The following ALDH9A1 variants were observed in gnomAD, a reference collection of about 807,000 sequenced individuals.
ALDH9A1 encodes the protein 4-trimethylaminobutyraldehyde dehydrogenase.
In ALDH9A1, 42 loss-of-function variants were observed where a neutral mutation model predicts 56.6. The observed-to-expected ratio is 0.74, with a 90% CI of 0.58 to 0.96. ALDH9A1 has a LOEUF of 0.96. Among genes scored for constraint, ALDH9A1 ranks in the 40% least tolerant of loss-of-function variants. ALDH9A1 has a pLI of 0.00. For synonymous variants in ALDH9A1, 242 were observed against 236.0 expected (o/e 1.03, Z -0.23); for missense variants, 661 against 651.5 (o/e 1.01, Z -0.16).
intron 8 of ALDH9A1, 81 bp from the exon 9 acceptor site, chr1:165,667,531 G>A (rs1322671399): frequency 1.2e-5 from 18 of 1,497,456 alleles, no homozygotes; most frequent in South Asian, 3.6e-5. Flanking sequence ...TTTGAAGATC[G>A]GGTCTCACTA....
chr1:165,693,739 C>G (rs1485145357), intron 2 of ALDH9A1, among the ~76,000 whole-genome samples: 3 of 152,210 alleles, frequency 2.0e-5, no homozygotes, highest in Non-Finnish European at 4.4e-5. Context: ...GATTATAAAT[C>G]ATGCTACTAT....
At chr1:165,692,447 G>C (rs1301701922) in intron 2 of ALDH9A1, among the ~76,000 whole-genome samples, 1 of 152,130 alleles carries the variant, frequency 6.6e-6, no homozygotes, top group East Asian at 1.9e-4. Context: ...CAAATCATGA[G>C]TGAACTCCCA....
At chr1:165,688,573 T>G (rs7519162) in intron 2 of ALDH9A1, among the ~76,000 whole-genome samples, 105,642 of 152,020 alleles carry the variant, frequency 0.69, 37,008 homozygotes, top group East Asian at 0.98. Flanking sequence ...CAAACAAAAA[T>G]TAGCCAGGTA....
intron 7 of ALDH9A1, 29 bp downstream of exon 7, chr1:165,669,233 A>G: frequency 6.4e-7 from 1 of 1,572,572 alleles, no homozygotes; most frequent in Non-Finnish European, 8.6e-7. Flanking sequence ...ATCTTCCCCA[A>G]CCCCACCCTA....
intron 8 of ALDH9A1, among the ~76,000 whole-genome samples, chr1:165,668,487 C>T (rs1044487593): frequency 2.0e-5 from 3 of 152,154 alleles, no homozygotes; most frequent in Non-Finnish European, 4.4e-5. Flanking sequence ...ATGATGGTGC[C>T]ATGCTTCCTG....
In ALDH9A1 at chr1:165,668,881, G is replaced by A. The variant is rs200410079; in HGVS notation, c.1207+45C>T. ...ATAAATATTCATCTCTATCTATTCAGTATTTAATTCAAATCATCTAAAAGC... is the reference window on the plus strand; with the variant it reads ...ATAAATATTCATCTCTATCTATTCAATATTTAATTCAAATCATCTAAAAGC... On this transcript the variant is annotated intron_variant, in intron 8 of 10. Coordinates refer to ENST00000354775, the MANE Select transcript of ALDH9A1 (RefSeq NM_000696.4). The A allele has an allele frequency of 3.3e-5, 44 of 1,342,882 alleles. No homozygotes were observed. In the East Asian group the frequency reaches 5.5e-4, roughly 17 times the overall value. 83.2% of individuals were successfully genotyped at this position (1,342,882 alleles called of 1,614,324 possible).
At chr1:165,682,914 CT>C in intron 3 of ALDH9A1, 66 bp downstream of exon 3, 1 of 1,538,322 alleles carries the variant, frequency 6.5e-7, no homozygotes, top group Non-Finnish European at 8.8e-7. Context: ...AATCTTTGCC[CT>C]TCACCACTAG....
At chr1:165,698,277 T>C in intron 1 of ALDH9A1, 101 bp downstream of exon 1, 2 of 1,476,498 alleles carry the variant, frequency 1.4e-6, no homozygotes, top group Non-Finnish European at 1.8e-6. Flanking sequence ...CACTGTCTTG[T>C]GCTCAAGTCA....
At chr1:165,671,432 G>T in intron 6 of ALDH9A1, 1 of 443,406 alleles carries the variant, frequency 2.3e-6, no homozygotes, top group Non-Finnish European at 4.4e-6. Context: ...AAATCGGTGG[G>T]ATCCTGAGAG....
intron 9 of ALDH9A1, among the ~76,000 whole-genome samples, chr1:165,665,625 A>T (rs1337753487): frequency 6.6e-6 from 1 of 152,226 alleles, no homozygotes; most frequent in Non-Finnish European, 1.5e-5. Flanking sequence ...AATTGGTCAA[A>T]ATTTAAAATT....
chr1:165,682,679 A>G (rs12076579), intron 3 of ALDH9A1: 5,890 of 341,696 alleles, frequency 0.017, 162 homozygotes, highest in African/African-American at 0.06. Flanking sequence ...TAAAACTGGT[A>G]AATATGACAA....
chr1:165,666,412 T>C (rs565369642), intron 9 of ALDH9A1, among the ~76,000 whole-genome samples: 2 of 152,300 alleles, frequency 1.3e-5, no homozygotes, highest in East Asian at 3.9e-4. Flanking sequence ...ATGTGCATTA[T>C]CCCAGTAAAG....
At chr1:165,694,560 C>T (rs557895363) in intron 2 of ALDH9A1, among the ~76,000 whole-genome samples, 2 of 151,390 alleles carry the variant, frequency 1.3e-5, no homozygotes, top group African/African-American at 2.4e-5. Context: ...ATTAAAGTAA[C>T]GATACTTAAA....
rs548615521 is a variant in ALDH9A1 at position 165,692,201 on chromosome 1, G to T, written c.327+3051C>A. Among the ~76,000 whole-genome samples the T allele has an allele frequency of 2.0e-5, 3 of 152,294 alleles. No homozygotes were observed. In the East Asian group the frequency reaches 5.8e-4, roughly 29 times the overall value. ...TCTCACCACTCCTATTCAACATAGT[G>T]TTGGAAGTTCTGGCCAAGGCAATCA... is the stretch of plus-strand genomic sequence containing the variant. On this transcript the variant is annotated intron_variant, in intron 2 of 10. Coordinates refer to ENST00000354775, the MANE Select transcript of ALDH9A1 (RefSeq NM_000696.4).
intron 2 of ALDH9A1, among the ~76,000 whole-genome samples, chr1:165,690,129 A>G (rs1387371338): frequency 9.3e-6 from 1 of 107,038 alleles, no homozygotes; most frequent in Non-Finnish European, 1.9e-5. Context: ...ATATATGTAT[A>G]TTATATAGAT....
intron 2 of ALDH9A1, 82 bp from the exon 3 acceptor site, chr1:165,683,192 TCAATTTTTAA>T: frequency 7.1e-7 from 1 of 1,409,546 alleles, no homozygotes; most frequent in African/African-American, 1.4e-5. Context: ...AACACACTGC[TCAATTTTTAA>T]AACTAAAAAT....
At chr1:165,696,559 AT>A (rs4646884) in intron 1 of ALDH9A1, among the ~76,000 whole-genome samples, 15 of 150,268 alleles carry the variant, frequency 1.0e-4, no homozygotes, top group East Asian at 7.8e-4. Context: ...CTAAAGGAAC[AT>A]TTTTTTTTTC....
intron 2 of ALDH9A1, among the ~76,000 whole-genome samples, chr1:165,686,118 A>T (rs1053617043): frequency 6.6e-6 from 1 of 152,184 alleles, no homozygotes; most frequent in Admixed American, 6.5e-5. Flanking sequence ...CAGGGACCAG[A>T]TTCATTCTCC....
At chr1:165,679,295 G>C in intron 6 of ALDH9A1, 147 bp downstream of exon 6, 2 of 825,238 alleles carry the variant, frequency 2.4e-6, no homozygotes, top group Non-Finnish European at 3.7e-6. Flanking sequence ...TGAGAAATCT[G>C]GTTCAAAGGT....
Sources: allele counts gnomAD v4.1 joint callset (sites outside exome capture counted in the v4.1 genomes callset), GRCh38; gene constraint gnomAD v4.1.1; transcripts MANE v1.5; gene names NCBI Gene and HGNC (gene_info 2026-07-23, HGNC 2026-07-21).